The following ABCA13 variants were observed in gnomAD, a reference collection of about 807,000 sequenced individuals.
ABCA13 encodes ATP-binding cassette sub-family A member 13.
ABCA13 carries 476 observed loss-of-function variants against 478.7 expected under a neutral mutation model. That is an observed-to-expected ratio of 0.99 (90% confidence interval 0.92 to 1.07). The LOEUF (loss-of-function observed/expected upper bound fraction) is 1.07, where lower values mean the gene tolerates loss of function less well. Among genes scored for constraint, ABCA13 ranks in the 50% least tolerant of loss-of-function variants. The probability of loss-of-function intolerance (pLI) is 0.00; values close to 1 mark genes in which losing one functional copy is unlikely to be tolerated. For synonymous variants in ABCA13, 2,252 were observed against 2,158.9 expected (o/e 1.04, Z -1.20); for missense variants, 6,060 against 5,910.6 (o/e 1.03, Z -0.83).
intron 26 of ABCA13, among the ~76,000 whole-genome samples, chr7:48,316,672 C>A (rs1440039030): frequency 6.6e-6 from 1 of 152,170 alleles, no homozygotes; most frequent in Admixed American, 6.5e-5. Context: ...GCAGACTATA[C>A]AAGAAGCATG....
chr7:48,258,927 T>G (rs1476683785), intron 15 of ABCA13, among the ~76,000 whole-genome samples: 1 of 152,194 alleles, frequency 6.6e-6, no homozygotes, highest in Non-Finnish European at 1.5e-5. Context: ...TTGAGCAATT[T>G]TCTTGGCATT....
At chr7:48,604,857 A>G (rs1462615599) in intron 58 of ABCA13, among the ~76,000 whole-genome samples, 1 of 152,148 alleles carries the variant, frequency 6.6e-6, no homozygotes, top group Admixed American at 6.5e-5. Context: ...ATTGTGTGGG[A>G]GTATAAATCT....
At chr7:48,261,479 T>A (rs56218287) in intron 15 of ABCA13, among the ~76,000 whole-genome samples, 6,532 of 151,984 alleles carry the variant, frequency 0.043, 199 homozygotes, top group Middle Eastern at 0.061. Flanking sequence ...TGTTTTTTTC[T>A]TTCTAGAACT....
rs553058091 is a variant in ABCA13 at position 48,588,284 on chromosome 7, T to C, written c.14640+996T>C. Among the ~76,000 whole-genome samples, 7 of 152,356 alleles carry C rather than the reference T, an allele frequency of 4.6e-5. 1 individual carries two copies. Among genetic ancestry groups the C allele is most frequent in the African/African-American group, 1.7e-4 (7 of 41,586 alleles). On this transcript the variant is annotated intron_variant, in intron 57 of 61. Coordinates refer to ENST00000435803, the MANE Select transcript of ABCA13 (RefSeq NM_152701.5). ...ATAATAAAAACTACCATTTGCACAATCCTGAAGTTTACAAATTACATTTTA... is the reference window on the plus strand; with the variant it reads ...ATAATAAAAACTACCATTTGCACAACCCTGAAGTTTACAAATTACATTTTA...
At chr7:48,475,445 G>A (rs1440775371) in intron 45 of ABCA13, among the ~76,000 whole-genome samples, 5 of 150,578 alleles carry the variant, frequency 3.3e-5, no homozygotes, top group Admixed American at 6.6e-5. Flanking sequence ...GTCTGCAAGA[G>A]CATGTCAATT....
At chr7:48,172,237 G>C (rs950744482) in intron 1 of ABCA13, among the ~76,000 whole-genome samples, 2 of 152,164 alleles carry the variant, frequency 1.3e-5, no homozygotes, top group South Asian at 4.1e-4. Flanking sequence ...ACCTATAAAT[G>C]TCATTTTCAG....
chr7:48,310,843 G>A (rs1801673470), intron 24 of ABCA13, among the ~76,000 whole-genome samples: 1 of 152,202 alleles, frequency 6.6e-6, no homozygotes, highest in South Asian at 2.1e-4. Context: ...CAGAACCCAT[G>A]TAGGGGCAAC....
intron 35 of ABCA13, among the ~76,000 whole-genome samples, chr7:48,377,918 T>C (rs1240114147): frequency 6.6e-6 from 1 of 152,176 alleles, no homozygotes; most frequent in Non-Finnish European, 1.5e-5. Flanking sequence ...AAGTCTACTC[T>C]CTGCAATGTT....
chr7:48,219,883 AACACACAC>A (rs3065570), intron 4 of ABCA13, among the ~76,000 whole-genome samples: 12,372 of 126,548 alleles, frequency 0.098, 549 homozygotes, highest in East Asian at 0.12. Flanking sequence ...ACCTTCCCCA[AACACACAC>A]ACACACACAC....
At chr7:48,568,020 G>C (rs778807109) in intron 55 of ABCA13, among the ~76,000 whole-genome samples, 3 of 152,018 alleles carry the variant, frequency 2.0e-5, no homozygotes, top group Non-Finnish European at 4.4e-5. Context: ...TAGTGTTTTG[G>C]TTAACTAAGA....
intron 58 of ABCA13, among the ~76,000 whole-genome samples, chr7:48,605,851 A>G (rs1791415485): frequency 6.6e-6 from 1 of 152,200 alleles, no homozygotes; most frequent in Non-Finnish European, 1.5e-5. Context: ...AGGTACACCA[A>G]TCAAATGTAG....
chr7:48,239,353 A>T lies in ABCA13; in HGVS notation c.1010A>T (p.Glu337Val). ...HVGGCHPKWS[E>V]AKNYLVHAVS... The stretch of plus-strand genomic sequence containing the variant: ...GGAGGCTGCCACCCTAAGTGGTCAG[A>T]AGCCAAAAACTATCTTGTCCATGCA... Residue 337 changes from glutamate (E) to valine (V), a missense_variant, in exon 9 of 62, where the codon GAA becomes GTA. This residue lies in a region of ABCA13 where 4,423 missense variants were observed against 4,309.1 expected (regional missense o/e 1.03). Transcript: ENST00000435803. 1 of 1,613,930 alleles carries T rather than the reference A, an allele frequency of 6.2e-7. No individual in the cohort carries two copies. Among genetic ancestry groups the T allele is most frequent in the Non-Finnish European group, 8.5e-7 (1 of 1,179,848 alleles).
intron 2 of ABCA13, among the ~76,000 whole-genome samples, chr7:48,196,457 GGC>G (rs1797945685): frequency 6.6e-6 from 1 of 152,136 alleles, no homozygotes; most frequent in Admixed American, 6.5e-5. Context: ...GGATGGGCAT[GGC>G]GTGCAACCTT....
intron 27 of ABCA13, among the ~76,000 whole-genome samples, chr7:48,321,400 A>T (rs1313235466): frequency 6.6e-6 from 1 of 152,158 alleles, no homozygotes; most frequent in Non-Finnish European, 1.5e-5. Context: ...TCAGGTGGGC[A>T]TCCTGGCTTC....
At chr7:48,428,540 C>G (rs1821736449) in intron 42 of ABCA13, among the ~76,000 whole-genome samples, 2 of 152,150 alleles carry the variant, frequency 1.3e-5, no homozygotes, top group South Asian at 4.1e-4. Flanking sequence ...CTACTAGGCA[C>G]ATGAACCCAT....
chr7:48,332,745 G>A (rs987999939), intron 27 of ABCA13, among the ~76,000 whole-genome samples: 9 of 151,922 alleles, frequency 5.9e-5, no homozygotes, highest in African/African-American at 1.5e-4. Flanking sequence ...CTTTTCTTAC[G>A]TCGTGATAAA....
chr7:48,249,147 A>G (rs929548123), intron 14 of ABCA13, 65 bp from the exon 15 acceptor site: 13 of 1,438,658 alleles, frequency 9.0e-6, no homozygotes, highest in Admixed American at 8.7e-5. Context: ...AAAAATTTAT[A>G]ATGATCTGTC....
At chr7:48,264,593 A>G (rs763041995) in intron 15 of ABCA13, among the ~76,000 whole-genome samples, 8 of 151,830 alleles carry the variant, frequency 5.3e-5, no homozygotes, top group Non-Finnish European at 8.9e-5. Context: ...CATAAATTGT[A>G]TATTCAAATC....
chr7:48,323,194 T>C (rs2128913628), intron 27 of ABCA13, among the ~76,000 whole-genome samples: 1 of 152,338 alleles, frequency 6.6e-6, no homozygotes, highest in South Asian at 2.1e-4. Context: ...CTTACAGGCG[T>C]ACTTGTTTAT....
Sources: gnomAD v4.1 joint callset for allele counts (sites outside exome capture counted in the v4.1 genomes callset) on GRCh38, gnomAD v4.1.1 for gene constraint, gnomAD v4.1.1 regional missense constraint, MANE v1.5 for transcripts, NCBI Gene and HGNC (gene_info 2026-07-23, HGNC 2026-07-21) for gene names.